Variants in B3GALT1 observed in about 807,000 individuals in gnomAD.
B3GALT1 encodes the protein UDP-Gal:betaGlcNAc beta 1,3-galactosyltransferase, polypeptide 1.
In B3GALT1, 10 loss-of-function variants were observed where a neutral mutation model predicts 23.2. That is an observed-to-expected ratio of 0.43 (90% CI 0.27 to 0.73). The LOEUF (loss-of-function observed/expected upper bound fraction) is 0.73, where lower values mean the gene tolerates loss of function less well. Ranked by LOEUF, B3GALT1 falls within the 30% of genes least tolerant of loss-of-function variation. The probability of loss-of-function intolerance (pLI) is 0.21; values close to 1 mark genes in which losing one functional copy is unlikely to be tolerated. For missense variants in B3GALT1, 299 were observed against 405.4 expected (o/e 0.74, Z 2.25); for synonymous variants, 156 against 141.5 (o/e 1.10, Z -0.73).
chr2:167,512,899 C>T (rs551589879), intron 2 of B3GALT1, among the ~76,000 whole-genome samples: 1 of 148,520 alleles, frequency 6.7e-6, no homozygotes, highest in Non-Finnish European at 1.5e-5. Flanking sequence ...CTGCCTCAGC[C>T]TCCCAAAGTG....
rs1431082551 is a variant in B3GALT1, at chr2:167,834,867, A to C, written c.-230+16074A>C. On this transcript the variant is annotated intron_variant, in intron 4 of 4. Coordinates refer to ENST00000392690, the MANE Select transcript of B3GALT1 (RefSeq NM_020981.4). Reference sequence around the variant, plus strand: ...CCACCTCAAAAAAAAAAAAGTTTCTAAACTAGTTACACTCATAAATATGTT... The same window carrying C: ...CCACCTCAAAAAAAAAAAAGTTTCTCAACTAGTTACACTCATAAATATGTT... 2.6e-5 allele frequency among the ~76,000 whole-genome samples: 4 copies of C among 152,160 alleles called. 1 individual carries two copies. The highest frequency in any genetic ancestry group is 9.7e-5 in the African/African-American group (4 of 41,440).
intron 1 of B3GALT1, among the ~76,000 whole-genome samples, chr2:167,339,405 G>T (rs1184871386): frequency 6.6e-6 from 1 of 150,462 alleles, no homozygotes; most frequent in African/African-American, 2.4e-5. Context: ...GAGTGTGGGG[G>T]TGAGTGTGGA....
At chr2:167,794,618 T>C (rs1330228676) in intron 3 of B3GALT1, among the ~76,000 whole-genome samples, 1 of 152,224 alleles carries the variant, frequency 6.6e-6, no homozygotes, top group Non-Finnish European at 1.5e-5. Context: ...CCTTGAAATT[T>C]ATACATAAGG....
intron 2 of B3GALT1, among the ~76,000 whole-genome samples, chr2:167,562,915 A>G (rs1684039371): frequency 2.0e-5 from 3 of 152,090 alleles, no homozygotes; most frequent in Non-Finnish European, 4.4e-5. Context: ...CCCTTAATCC[A>G]TTCAACCCTG....
intron 1 of B3GALT1, among the ~76,000 whole-genome samples, chr2:167,322,311 T>C (rs796918048): frequency 1.3e-5 from 2 of 150,702 alleles, no homozygotes; most frequent in African/African-American, 2.4e-5. Flanking sequence ...AAAAAAAAAA[T>C]AGACCAGTAT....
At chr2:167,441,385 C>A (rs1698891091) in intron 1 of B3GALT1, among the ~76,000 whole-genome samples, 1 of 152,184 alleles carries the variant, frequency 6.6e-6, no homozygotes, top group Admixed American at 6.5e-5. Flanking sequence ...TTAATGGGCC[C>A]ACTGATAGCC....
intron 2 of B3GALT1, among the ~76,000 whole-genome samples, chr2:167,576,461 G>A (rs1389094208): frequency 1.3e-5 from 2 of 150,794 alleles, no homozygotes; most frequent in Non-Finnish European, 1.5e-5. Flanking sequence ...GAATTTTTTA[G>A]TGAGGACAGG....
At chr2:167,570,403 C>A (rs1164011021) in intron 2 of B3GALT1, among the ~76,000 whole-genome samples, 4 of 151,680 alleles carry the variant, frequency 2.6e-5, no homozygotes, top group Non-Finnish European at 5.9e-5. Context: ...AGGAATGGGT[C>A]CATTTCACCT....
rs1047920307 is a variant in B3GALT1 at position 167,327,417 on chromosome 2, A to T, written c.-511+34083A>T. 2.0e-5 allele frequency among the ~76,000 whole-genome samples: 3 copies of T among 152,022 alleles called. No homozygotes were observed. The East Asian group carries it at 5.8e-4, about 29-fold the overall frequency. ...ATGTCTTTCCATTTGTGTCCTCTTC[A>T]GTTTCTTTCGTCAATGTTTTATAGT... On this transcript the variant is annotated intron_variant, in intron 1 of 4. Coordinates refer to ENST00000392690, the MANE Select transcript of B3GALT1 (RefSeq NM_020981.4).
chr2:167,443,415 G>C (rs901038336), intron 1 of B3GALT1, among the ~76,000 whole-genome samples: 1 of 152,224 alleles, frequency 6.6e-6, no homozygotes, highest in Non-Finnish European at 1.5e-5. Context: ...TGTGAAGAAA[G>C]TCATCGGAAG....
intron 2 of B3GALT1, among the ~76,000 whole-genome samples, chr2:167,554,399 C>G: frequency 6.6e-6 from 1 of 152,186 alleles, no homozygotes; most frequent in Non-Finnish European, 1.5e-5. Context: ...AGTCACCTCA[C>G]TCAGTAAGTA....
At chr2:167,484,729 G>A (rs1313439169) in intron 1 of B3GALT1, among the ~76,000 whole-genome samples, 6 of 152,118 alleles carry the variant, frequency 3.9e-5, no homozygotes, top group African/African-American at 4.8e-5. Flanking sequence ...TTCCTATTCA[G>A]ATCTTTAAAA....
chr2:167,495,279 G>A (rs1220916551), intron 2 of B3GALT1, among the ~76,000 whole-genome samples: 1 of 150,840 alleles, frequency 6.6e-6, no homozygotes, highest in Non-Finnish European at 1.5e-5. Context: ...CTTAGAGAAG[G>A]TGATGAAGAA....
chr2:167,641,310 A>G lies in B3GALT1; in HGVS notation c.-409-5599A>G, dbSNP rs115271192. Among the ~76,000 whole-genome samples, 191 of 152,192 alleles carry G rather than the reference A, an allele frequency of 1.3e-3. 1 individual carries two copies. The highest frequency in any genetic ancestry group is 4.3e-3 in the African/African-American group (179 of 41,528). On this transcript the variant is annotated intron_variant, in intron 2 of 4. Coordinates refer to ENST00000392690, the MANE Select transcript of B3GALT1 (RefSeq NM_020981.4). ...TCCCATTTTCCCTTCAAACCACTTC[A>G]TTCACTCCAAGTGCTTCACTGCTCT...
chr2:167,510,083 C>CA (rs1699982362), intron 2 of B3GALT1, among the ~76,000 whole-genome samples: 1 of 152,228 alleles, frequency 6.6e-6, no homozygotes, highest in African/African-American at 2.4e-5. Context: ...AAAGCAGACT[C>CA]ACAATGAATT....
intron 1 of B3GALT1, among the ~76,000 whole-genome samples, chr2:167,358,461 G>A (rs764116728): frequency 2.0e-4 from 30 of 152,234 alleles, no homozygotes; most frequent in Non-Finnish European, 3.8e-4. Flanking sequence ...TACACTTATC[G>A]TTAACAGTTT....
rs185623629 is a variant in B3GALT1, at chr2:167,579,970, C to T, written c.-409-66939C>T. ...AGATGGTAGAGTTCAATTTTTTCAACTGAACTTAAGCTGTTGAAATTGACA... is the reference window on the plus strand; with the variant it reads ...AGATGGTAGAGTTCAATTTTTTCAATTGAACTTAAGCTGTTGAAATTGACA... On this transcript the variant is annotated intron_variant, in intron 2 of 4. Transcript: ENST00000392690. Among the ~76,000 whole-genome samples, 199 of 152,204 alleles carry T rather than the reference C, an allele frequency of 1.3e-3. 1 individual carries two copies. Among genetic ancestry groups the T allele is most frequent in the African/African-American group, 4.5e-3 (187 of 41,558 alleles).
At chr2:167,576,520 G>GTTTTTTTTTTGTTTTTTTTTTTTTTT (rs1558912483) in intron 2 of B3GALT1, among the ~76,000 whole-genome samples, 1 of 122,422 alleles carries the variant, frequency 8.2e-6, no homozygotes, top group East Asian at 2.2e-4. Flanking sequence ...TTGTTTTTCT[G>GTTTTTTTTTTGTTTTTTTTTTTTTTT]TTTTTTTTTT....
At chr2:167,608,431 T>G (rs1400041075) in intron 2 of B3GALT1, among the ~76,000 whole-genome samples, 1 of 152,212 alleles carries the variant, frequency 6.6e-6, no homozygotes, top group African/African-American at 2.4e-5. Flanking sequence ...CTTTGAGAGT[T>G]TAAAACGCTT....
Sources: gnomAD v4.1 joint callset for allele counts (sites outside exome capture counted in the v4.1 genomes callset) on GRCh38, gnomAD v4.1.1 for gene constraint, MANE v1.5 for transcripts, NCBI Gene and HGNC (gene_info 2026-07-23, HGNC 2026-07-21) for gene names.